FGL1: variants seen among roughly 807,000 people sequenced by gnomAD.
FGL1 encodes the protein fibrinogen-like protein 1.
In FGL1, 59 loss-of-function variants were observed where a neutral mutation model predicts 43.7. The ratio of observed to expected loss-of-function variants is 1.35; its 90% CI spans 1.10 to 1.68. FGL1 has a LOEUF of 1.68. Among genes scored for constraint, FGL1 ranks in the 40% most tolerant of loss-of-function variants. FGL1 has a pLI of 0.00. For synonymous variants in FGL1, 192 were observed against 126.5 expected (o/e 1.52, Z -3.48); for missense variants, 596 against 373.0 (o/e 1.60, Z -4.92).
intron 3 of FGL1, among the ~76,000 whole-genome samples, chr8:17,880,993 G>A (rs961370219): frequency 5.3e-5 from 8 of 152,014 alleles, no homozygotes; most frequent in Non-Finnish European, 1.2e-4. Flanking sequence ...TCCTTTTTCT[G>A]CTCCTTTATT....
intron 7 of FGL1, among the ~76,000 whole-genome samples, chr8:17,867,773 T>C (rs979028893): frequency 1.3e-5 from 2 of 152,142 alleles, no homozygotes; most frequent in African/African-American, 4.8e-5. Context: ...CAGAATGACA[T>C]GCAATTTAAA....
intron 7 of FGL1, 24 bp downstream of exon 7, chr8:17,868,524 A>T: frequency 6.3e-7 from 1 of 1,582,796 alleles, no homozygotes; most frequent in Non-Finnish European, 8.6e-7. Flanking sequence ...ACTCCATTAC[A>T]ACTATGCTCA....
intron 3 of FGL1, among the ~76,000 whole-genome samples, chr8:17,877,841 T>C (rs1410578831): frequency 6.6e-6 from 1 of 152,214 alleles, no homozygotes; most frequent in Non-Finnish European, 1.5e-5. Context: ...GCGATACTCT[T>C]GTAGGGTAGA....
chr8:17,886,940 C>T (rs903589510), intron 1 of FGL1, among the ~76,000 whole-genome samples: 1 of 152,142 alleles, frequency 6.6e-6, no homozygotes, highest in East Asian at 1.9e-4. Context: ...AAGGTAGAGG[C>T]AAATGGGCTA....
At chr8:17,887,177 C>G (rs1301030550) in intron 1 of FGL1, among the ~76,000 whole-genome samples, 2 of 152,136 alleles carry the variant, frequency 1.3e-5, no homozygotes, top group Non-Finnish European at 2.9e-5. Flanking sequence ...CTTCCTACCA[C>G]TTTCCAGGCC....
chr8:17,869,114 C>A, intron 5 of FGL1, 110 bp from the exon 6 acceptor site: 1 of 620,224 alleles, frequency 1.6e-6, no homozygotes, highest in Non-Finnish European at 2.7e-6. Flanking sequence ...TTTCCCTTGG[C>A]CAAGAATCAG....
intron 3 of FGL1, among the ~76,000 whole-genome samples, chr8:17,874,840 G>A (rs1427708327): frequency 6.6e-6 from 1 of 150,956 alleles, no homozygotes; most frequent in Non-Finnish European, 1.5e-5. Context: ...TCACTATATT[G>A]CCCAGGCTGG....
intron 1 of FGL1, among the ~76,000 whole-genome samples, chr8:17,893,473 G>T (rs2053735089): frequency 6.7e-6 from 1 of 150,252 alleles, no homozygotes; most frequent in South Asian, 2.1e-4. Context: ...CTTAGCATTA[G>T]ATTTAGTAAA....
intron 5 of FGL1, among the ~76,000 whole-genome samples, chr8:17,872,379 T>C (rs2053376989): frequency 1.3e-5 from 2 of 151,126 alleles, no homozygotes; most frequent in Non-Finnish European, 1.5e-5. Flanking sequence ...CTTGGCTCAC[T>C]GCAACCTCCG....
At chr8:17,891,562 T>G in intron 1 of FGL1, 84 of 413,422 alleles carry the variant, frequency 2.0e-4, no homozygotes, top group Middle Eastern at 1.2e-3. Context: ...TATTTGCAAA[T>G]GAGATCACAT....
Position 17,884,803 on chromosome 8 carries a change from C to G in FGL1, c.63+689G>C, listed in dbSNP as rs139543501. Reference sequence around the variant, plus strand: ...TTTAAAACCTAGGAGTTTTCTTTCTCCAAGAACTTTGAATGAATGTTTTGT... The same window carrying G: ...TTTAAAACCTAGGAGTTTTCTTTCTGCAAGAACTTTGAATGAATGTTTTGT... On this transcript the variant is annotated intron_variant, in intron 2 of 7. Transcript: ENST00000427924. Among the ~76,000 whole-genome samples the G allele has an allele frequency of 6.3e-4, 96 of 152,160 alleles. No homozygotes were observed. In the East Asian group the frequency reaches 0.017, roughly 27 times the overall value.
intron 5 of FGL1, among the ~76,000 whole-genome samples, chr8:17,872,578 C>G (rs548422532): frequency 8.5e-5 from 13 of 152,302 alleles, no homozygotes; most frequent in Admixed American, 4.6e-4. Flanking sequence ...GCTGGGATTA[C>G]AGGCATGAGC....
At chr8:17,864,927 T>G (rs2053247497) in intron 7 of FGL1, among the ~76,000 whole-genome samples, 176 bp from the exon 8 acceptor site, 1 of 152,122 alleles carries the variant, frequency 6.6e-6, no homozygotes. Context: ...AACAGATGGC[T>G]ATTGTATTTT....
intron 5 of FGL1, among the ~76,000 whole-genome samples, chr8:17,872,703 G>A (rs1353718856): frequency 1.3e-5 from 2 of 152,158 alleles, no homozygotes; most frequent in Non-Finnish European, 2.9e-5. Flanking sequence ...TGGGACTGAT[G>A]ATAATCTCAG....
intron 7 of FGL1, 81 bp from the exon 8 acceptor site, chr8:17,864,832 A>G: frequency 8.2e-7 from 1 of 1,213,708 alleles, no homozygotes; most frequent in Admixed American, 3.9e-5. Context: ...TTTGCTACAA[A>G]TGCTCAAAAT....
chr8:17,871,499 A>AC (rs944308605), intron 5 of FGL1, among the ~76,000 whole-genome samples: 11 of 151,212 alleles, frequency 7.3e-5, no homozygotes, highest in South Asian at 6.2e-4. Context: ...CTCAAAAAAA[A>AC]AAACAAAAAA....
At chr8:17,893,788 C>A (rs1200904505) in intron 1 of FGL1, among the ~76,000 whole-genome samples, 1 of 147,208 alleles carries the variant, frequency 6.8e-6, no homozygotes, top group Non-Finnish European at 1.5e-5. Context: ...AAGAAACTTG[C>A]TTTGAAATTC....
chr8:17,890,400 T>A (rs3913558), intron 1 of FGL1, among the ~76,000 whole-genome samples: 4 of 152,020 alleles, frequency 2.6e-5, no homozygotes, highest in East Asian at 1.9e-4. Flanking sequence ...TTGCCTGTTC[T>A]GGCTACATTG....
At chr8:17,889,276 G>A (rs402124) in intron 1 of FGL1, among the ~76,000 whole-genome samples, 111,879 of 152,188 alleles carry the variant, frequency 0.74, 41,839 homozygotes, top group Non-Finnish European at 0.79. Context: ...TTGGCTGGGC[G>A]TGGTGGCTTA....
Sources: allele counts gnomAD v4.1 joint callset (sites outside exome capture counted in the v4.1 genomes callset), GRCh38; gene constraint gnomAD v4.1.1; transcripts MANE v1.5; gene names NCBI Gene and HGNC (gene_info 2026-07-23, HGNC 2026-07-21).